DOK6: variants seen among roughly 807,000 people sequenced by gnomAD.
The protein encoded by DOK6 is downstream of tyrosine kinase 6.
DOK6 carries 22 observed loss-of-function variants against 44.0 expected under a neutral mutation model. That is an observed-to-expected ratio of 0.50 (90% CI 0.36 to 0.71). The LOEUF (loss-of-function observed/expected upper bound fraction) is 0.71. Among genes scored for constraint, DOK6 ranks in the 30% least tolerant of loss-of-function variants. DOK6 has a pLI of 0.00. For missense variants in DOK6, 340 were observed against 416.4 expected (o/e 0.82, Z 1.60); for synonymous variants, 166 against 145.5 (o/e 1.14, Z -1.01).
At chr18:69,748,073 A>C (rs1323306259) in intron 6 of DOK6, among the ~76,000 whole-genome samples, 2 of 152,190 alleles carry the variant, frequency 1.3e-5, no homozygotes, top group Non-Finnish European at 2.9e-5. Flanking sequence ...AATTGAAAAC[A>C]AAAAAGCAGG....
Position 69,497,450 on chromosome 18 carries a change from C to T in DOK6, c.67-67037C>T, listed in dbSNP as rs528230941. 6.6e-5 allele frequency among the ~76,000 whole-genome samples: 10 copies of T among 152,216 alleles called. No individual in the cohort carries two copies. The South Asian group carries it at 1.5e-3, about 22-fold the overall frequency. On this transcript the variant is annotated intron_variant, in intron 1 of 7. Transcript: ENST00000382713. ...AGCAGGATCCTTGAAAAGGGAGAAT[C>T]GTTCATGTGGCTGGAAATGGAGTGT...
At chr18:69,709,614 T>C (rs1986713680) in intron 5 of DOK6, among the ~76,000 whole-genome samples, 1 of 152,172 alleles carries the variant, frequency 6.6e-6, no homozygotes, top group Non-Finnish European at 1.5e-5. Flanking sequence ...CATACACATA[T>C]CATATTATAT....
intron 5 of DOK6, among the ~76,000 whole-genome samples, chr18:69,714,217 A>G (rs1986832205): frequency 2.0e-5 from 3 of 152,212 alleles, no homozygotes; most frequent in Admixed American, 2.0e-4. Flanking sequence ...TTTAGGAGGC[A>G]GAGCTTTCTG....
chr18:69,572,844 T>C (rs1042759762), intron 2 of DOK6, among the ~76,000 whole-genome samples: 2 of 151,996 alleles, frequency 1.3e-5, no homozygotes, highest in African/African-American at 4.8e-5. Context: ...TTGATGACTT[T>C]GACAAAAGCT....
rs577508345 is a variant in DOK6 at position 69,537,421 on chromosome 18, G to A, written c.67-27066G>A. The stretch of plus-strand genomic sequence containing the variant: ...TTCAGTGAGTTGGATTTATTTATTT[G>A]TATGCTGGTCTGCCCCACCAGACTG... On this transcript the variant is annotated intron_variant, in intron 1 of 7. Coordinates refer to ENST00000382713, the MANE Select transcript of DOK6 (RefSeq NM_152721.6). 1.9e-3 allele frequency among the ~76,000 whole-genome samples: 283 copies of A among 152,148 alleles called. 1 individual carries two copies. Among genetic ancestry groups the A allele is most frequent in the African/African-American group, 6.7e-3 (277 of 41,514 alleles).
intron 1 of DOK6, among the ~76,000 whole-genome samples, chr18:69,554,622 T>G (rs979911323): frequency 3.3e-5 from 5 of 152,152 alleles, no homozygotes; most frequent in Non-Finnish European, 7.4e-5. Flanking sequence ...TCTTGTGCAA[T>G]GTACAGATAT....
At chr18:69,683,576 C>T (rs1030977945) in intron 4 of DOK6, among the ~76,000 whole-genome samples, 3 of 152,240 alleles carry the variant, frequency 2.0e-5, no homozygotes, top group African/African-American at 7.2e-5. Context: ...GGAGTGATGA[C>T]ACGTCCACAA....
chr18:69,636,958 G>A (rs1355073441), intron 3 of DOK6, among the ~76,000 whole-genome samples: 3 of 152,212 alleles, frequency 2.0e-5, no homozygotes, highest in Admixed American at 1.3e-4. Flanking sequence ...AGTAGATGGT[G>A]TGTTTATAGG....
chr18:69,675,021 A>T (rs1985889243), intron 3 of DOK6, among the ~76,000 whole-genome samples: 1 of 152,102 alleles, frequency 6.6e-6, no homozygotes, highest in Non-Finnish European at 1.5e-5. Flanking sequence ...TACTTTTATT[A>T]TTCTTGCTAT....
intron 2 of DOK6, among the ~76,000 whole-genome samples, chr18:69,578,929 T>C (rs559645965): frequency 2.0e-5 from 3 of 152,310 alleles, no homozygotes; most frequent in Middle Eastern, 6.8e-3. Flanking sequence ...TCATATTTAT[T>C]TCAAATTTAT....
chr18:69,527,600 G>A (rs562271418), intron 1 of DOK6, among the ~76,000 whole-genome samples: 2 of 152,272 alleles, frequency 1.3e-5, no homozygotes, highest in East Asian at 3.9e-4. Context: ...GGTGGGGACA[G>A]AGTCAAACCA....
chr18:69,799,351 C>G (rs908498628), intron 7 of DOK6, among the ~76,000 whole-genome samples: 1 of 151,866 alleles, frequency 6.6e-6, no homozygotes. Flanking sequence ...TTAGGAACAC[C>G]TAACCTCATT....
intron 5 of DOK6, among the ~76,000 whole-genome samples, chr18:69,712,591 T>C (rs1000298630): frequency 2.6e-5 from 4 of 152,160 alleles, no homozygotes; most frequent in Non-Finnish European, 5.9e-5. Flanking sequence ...ATGCCTGTAA[T>C]CCCAGCACTT....
intron 6 of DOK6, among the ~76,000 whole-genome samples, chr18:69,754,260 G>A (rs1436300698): frequency 1.3e-5 from 2 of 151,224 alleles, no homozygotes; most frequent in African/African-American, 2.4e-5. Context: ...AGGCTGAGGT[G>A]GCAGAATTGC....
intron 3 of DOK6, among the ~76,000 whole-genome samples, chr18:69,652,705 C>T (rs1985261520): frequency 6.6e-6 from 1 of 152,126 alleles, no homozygotes; most frequent in African/African-American, 2.4e-5. Flanking sequence ...GACACCTGCT[C>T]CTCAGCTGAG....
chr18:69,622,486 C>T (rs11151519), intron 3 of DOK6, among the ~76,000 whole-genome samples: 103,981 of 151,732 alleles, frequency 0.69, 39,326 homozygotes, highest in Non-Finnish European at 0.85. Flanking sequence ...AAATAAGCAA[C>T]AGGATTTTTT....
At chr18:69,696,297 T>A (rs1421412651) in intron 4 of DOK6, among the ~76,000 whole-genome samples, 1 of 152,212 alleles carries the variant, frequency 6.6e-6, no homozygotes, top group East Asian at 1.9e-4. Flanking sequence ...TCATGTTTCA[T>A]GTACCATCCA....
rs542065721 is a variant in DOK6, at chr18:69,744,719, G to A, written c.738+5616G>A. On this transcript the variant is annotated intron_variant, in intron 6 of 7. Coordinates refer to ENST00000382713, the MANE Select transcript of DOK6 (RefSeq NM_152721.6). ...GCGGACAGATCACTTGAGGTCAGGA[G>A]TTCAAGACCAGCCTGGCCAACATGG... Among the ~76,000 whole-genome samples, 36 of 152,122 alleles carry A rather than the reference G, an allele frequency of 2.4e-4. No homozygotes were observed. The South Asian group carries it at 4.8e-3, about 20-fold the overall frequency.
In DOK6 at chr18:69,683,212, G is replaced by A. The variant is rs376773408; in HGVS notation, c.409+5359G>A. ...ACACTCACATCTGAGTTTCTAAAAC[G>A]CCATTCATATGCTCTAGTCTTGCCC... On this transcript the variant is annotated intron_variant, in intron 4 of 7. Coordinates refer to ENST00000382713, the MANE Select transcript of DOK6 (RefSeq NM_152721.6). 1.4e-4 allele frequency among the ~76,000 whole-genome samples: 21 copies of A among 151,322 alleles called. No individual in the cohort carries two copies. The East Asian group carries it at 2.1e-3, about 15-fold the overall frequency.
Sources: gnomAD v4.1 joint callset for allele counts (sites outside exome capture counted in the v4.1 genomes callset) on GRCh38, gnomAD v4.1.1 for gene constraint, MANE v1.5 for transcripts, NCBI Gene and HGNC (gene_info 2026-07-23, HGNC 2026-07-21) for gene names.